IDO2: variants seen among roughly 807,000 people sequenced by gnomAD.
IDO2 encodes indoleamine 2,3-dioxygenase-like 1 protein.
IDO2 carries 46 observed loss-of-function variants against 45.1 expected under a neutral mutation model. The ratio of observed to expected loss-of-function variants is 1.02; its 90% confidence interval spans 0.80 to 1.30. The LOEUF is 1.30. Ranked by LOEUF, IDO2 falls within the 50% of genes most tolerant of loss-of-function variation. The pLI is 0.00. For synonymous variants in IDO2, 218 were observed against 184.9 expected, an observed-to-expected ratio of 1.18 and a Z score of -1.45; for missense variants, 544 against 491.8, an observed-to-expected ratio of 1.11 and a Z score of -1.00.
chr8:39,961,324 T>C (rs1242157246), intron 2 of IDO2, among the ~76,000 whole-genome samples: 3 of 144,138 alleles, frequency 2.1e-5, no homozygotes, highest in Admixed American at 1.4e-4. Context: ...ATACTTCTTT[T>C]TTTTTTTTTT....
At chr8:39,975,611 G>A (rs1230321878) in intron 3 of IDO2, among the ~76,000 whole-genome samples, 1 of 152,134 alleles carries the variant, frequency 6.6e-6, no homozygotes, top group African/African-American at 2.4e-5. Context: ...ACTGAAAAAT[G>A]CTTAAAGTCT....
At chr8:39,967,341 G>A (rs1262423772) in intron 3 of IDO2, among the ~76,000 whole-genome samples, 1 of 152,074 alleles carries the variant, frequency 6.6e-6, no homozygotes, top group Non-Finnish European at 1.5e-5. Context: ...GTGAGGGTTG[G>A]GGGGCACATG....
chr8:40,008,193 C>T (rs1440318347), intron 9 of IDO2, among the ~76,000 whole-genome samples: 6 of 151,946 alleles, frequency 3.9e-5, no homozygotes, highest in Non-Finnish European at 5.9e-5. Flanking sequence ...ATTACAGGCA[C>T]CCGCCACCAG....
exon 11 of IDO2, chr8:40,015,361 A>C (rs1289155401): frequency 1.2e-6 from 2 of 1,613,670 alleles, no homozygotes; most frequent in Non-Finnish European, 8.5e-7. Context: ...GGACAGGACC[A>C]CTTGCTGACA....
chr8:39,991,548 C>A (rs1801930015), intron 8 of IDO2, among the ~76,000 whole-genome samples: 1 of 148,908 alleles, frequency 6.7e-6, no homozygotes, highest in African/African-American at 2.5e-5. Context: ...TCCTAGGGCT[C>A]ACTTTCAGAC....
chr8:39,963,845 C>A, intron 3 of IDO2, 142 bp downstream of exon 3: 1 of 559,922 alleles, frequency 1.8e-6, no homozygotes, highest in Non-Finnish European at 3.2e-6. Flanking sequence ...ATCTTCCTTC[C>A]TGAAAAACAG....
At chr8:40,013,826 C>A in intron 10 of IDO2, 113 bp downstream of exon 10, 2 of 849,582 alleles carry the variant, frequency 2.4e-6, no homozygotes, top group Non-Finnish European at 3.4e-6. Flanking sequence ...GAAGTTTATA[C>A]TTCTCTAAGT....
In IDO2 at chr8:40,016,130, G is replaced by A; in HGVS notation, c.*528G>A. ...CAGTGGAGATGGGAAGATAGAGGAT[G>A]CTGACAATAAGGACTTGGAAGTCAC... On this transcript the variant is annotated 3_prime_UTR_variant, in exon 11 of 11. Transcript: ENST00000502986. 1.8e-5 allele frequency: 7 copies of A among 394,418 alleles called. No individual in the cohort carries two copies. The East Asian group carries it at 2.5e-4, about 14-fold the overall frequency. 24.4% of individuals were successfully genotyped at this position (394,418 alleles called of 1,614,324 possible). A position where few individuals can be genotyped will look rare whatever the true frequency, so the allele number is the denominator to read the frequency against.
intron 7 of IDO2, among the ~76,000 whole-genome samples, chr8:39,988,376 T>G (rs1439211515): frequency 6.6e-6 from 1 of 152,066 alleles, no homozygotes; most frequent in Non-Finnish European, 1.5e-5. Flanking sequence ...GAAGGCTGGA[T>G]AGAAGACAAA....
At chr8:40,013,876 A>G (rs4321987) in intron 10 of IDO2, among the ~76,000 whole-genome samples, 163 bp downstream of exon 10, 57,545 of 151,936 alleles carry the variant, frequency 0.38, 11,275 homozygotes, top group Admixed American at 0.51. Context: ...TTTTGTGTCA[A>G]GCCAATTAAT....
chr8:40,006,283 T>C (rs59695823), intron 9 of IDO2, among the ~76,000 whole-genome samples: 161 of 152,356 alleles, frequency 1.1e-3, no homozygotes, highest in African/African-American at 3.7e-3. Flanking sequence ...ATAAATTCCA[T>C]AACATATTCA....
intron 8 of IDO2, among the ~76,000 whole-genome samples, chr8:39,992,834 G>A (rs952338574): frequency 3.3e-5 from 5 of 152,068 alleles, no homozygotes; most frequent in East Asian, 3.9e-4. Flanking sequence ...TCCTTTCCAG[G>A]CACGTAGAGC....
chr8:40,007,378 G>T (rs572118474), intron 9 of IDO2, among the ~76,000 whole-genome samples: 1 of 152,080 alleles, frequency 6.6e-6, no homozygotes, highest in Non-Finnish European at 1.5e-5. Context: ...AGGGAGTGGG[G>T]ATGGAATCCT....
chr8:39,943,120 C>A (rs576124258), intron 1 of IDO2, among the ~76,000 whole-genome samples: 1 of 152,046 alleles, frequency 6.6e-6, no homozygotes, highest in Non-Finnish European at 1.5e-5. Flanking sequence ...GTAATCCCAG[C>A]AGTTTGGGAG....
chr8:40,012,156 T>C (rs1802319123), intron 9 of IDO2, among the ~76,000 whole-genome samples: 1 of 152,176 alleles, frequency 6.6e-6, no homozygotes, highest in African/African-American at 2.4e-5. Flanking sequence ...TATGTGTATA[T>C]GGTGTGTGTG....
At chr8:39,951,979 C>G (rs1807821085) in intron 2 of IDO2, among the ~76,000 whole-genome samples, 3 of 152,156 alleles carry the variant, frequency 2.0e-5, no homozygotes, top group Admixed American at 1.3e-4. Flanking sequence ...CATTCCTGAG[C>G]TTATGCAGAA....
chr8:39,967,114 T>C (rs933322975), intron 3 of IDO2, among the ~76,000 whole-genome samples: 1 of 152,194 alleles, frequency 6.6e-6, no homozygotes, highest in Non-Finnish European at 1.5e-5. Flanking sequence ...GGGACTTCCT[T>C]GATAAATTTC....
At chr8:39,953,153 C>T (rs1807836110) in intron 2 of IDO2, among the ~76,000 whole-genome samples, 1 of 152,124 alleles carries the variant, frequency 6.6e-6, no homozygotes, top group African/African-American at 2.4e-5. Context: ...CTGCCCACCT[C>T]AGCCTCATGA....
intron 5 of IDO2, chr8:39,984,886 G>A: frequency 2.3e-6 from 1 of 434,300 alleles, no homozygotes; most frequent in Non-Finnish European, 4.6e-6. Context: ...AAAATGTGGG[G>A]TTGTGGTAAA....
Sources: allele counts gnomAD v4.1 joint callset (sites outside exome capture counted in the v4.1 genomes callset), GRCh38; gene constraint gnomAD v4.1.1; transcripts MANE v1.5; gene names NCBI Gene and HGNC (gene_info 2026-07-23, HGNC 2026-07-21).